Variants in SH2D3C observed in about 807,000 individuals in gnomAD.
SH2D3C encodes SH2 domain-containing protein 3C.
In SH2D3C, 25 loss-of-function variants were observed where a neutral mutation model predicts 75.2. The observed-to-expected ratio is 0.33, with a 90% CI of 0.24 to 0.46. SH2D3C has a LOEUF of 0.46. Among genes scored for constraint, SH2D3C ranks in the 20% least tolerant of loss-of-function variants. The pLI is 1.00. For synonymous variants in SH2D3C, 450 were observed against 473.7 expected (o/e 0.95, Z 0.65); for missense variants, 933 against 1,165.3 (o/e 0.80, Z 2.90).
chr9:127,753,034 C>T (rs140952542), intron 3 of SH2D3C, among the ~76,000 whole-genome samples: 274 of 151,516 alleles, frequency 1.8e-3, no homozygotes, highest in African/African-American at 2.5e-3. Flanking sequence ...CAGGGTCCTA[C>T]GGGCAGAGCC....
Position 127,774,139 on chromosome 9 carries a change from CT to C in SH2D3C, c.365del (p.Glu122GlyfsTer2), listed in dbSNP as rs771028295. ...GAGGGCCAGTGGCCTTCACCATCAC[CT>C]CTTTGGCTGCCTCCAAGCCTGGGGG... ...PDPPGLEAAK[E>X]VMVKATGPLE... is the part of the protein sequence containing the mutation. On this transcript the variant is annotated frameshift_variant, in exon 2 of 12. Coordinates refer to ENST00000314830, the MANE Select transcript of SH2D3C (RefSeq NM_170600.3). LOFTEE classifies it high-confidence loss of function. The surrounding 1 kb of genome is among the most constrained non-coding windows in gnomAD (Gnocchi z 4.3). 5.6e-6 allele frequency: 9 copies of C among 1,614,026 alleles called. No individual in the cohort carries two copies. The African/African-American group carries it at 1.1e-4, about 19-fold the overall frequency.
chr9:127,744,478 T>G, intron 7 of SH2D3C, 86 bp downstream of exon 7: 5 of 1,487,870 alleles, frequency 3.4e-6, no homozygotes, highest in Non-Finnish European at 4.5e-6. Context: ...CCTGCTGTAC[T>G]TGGGGAATCT....
At position 127,744,900 on chromosome 9, in the gene SH2D3C, A is replaced by G; in HGVS notation, c.1464T>C (p.Ser488=). The change falls in exon 7 of 12, where the codon AGT becomes AGC. Residue 488 remains serine, a synonymous_variant. Transcript: ENST00000314830. ...ASPSPSLSSY[S]DPDSGHYCQL... is the part of the protein sequence containing the mutation. ...GGCAGTAGTGGCCAGAGTCCGGGTC[A>G]CTGTAGCTGCTGAGTGATGGTGACG... The G allele has an allele frequency of 6.2e-7, 1 of 1,611,230 alleles. No individual in the cohort carries two copies. Among genetic ancestry groups the G allele is most frequent in the South Asian group, 1.1e-5 (1 of 90,862 alleles).
chr9:127,775,986 G>A (rs187405835), intron 1 of SH2D3C, among the ~76,000 whole-genome samples: 13 of 151,968 alleles, frequency 8.6e-5, no homozygotes, highest in East Asian at 7.9e-4. Context: ...GTGCCACCAC[G>A]CCCAACTGGT....
At chr9:127,746,201 T>C (rs1425048411) in intron 6 of SH2D3C, among the ~76,000 whole-genome samples, 3 of 152,176 alleles carry the variant, frequency 2.0e-5, no homozygotes, top group Non-Finnish European at 4.4e-5. Context: ...AGTTTGTAGT[T>C]ATGACAAAGT....
At chr9:127,764,481 T>C (rs1277347474) in intron 2 of SH2D3C, among the ~76,000 whole-genome samples, 4 of 152,178 alleles carry the variant, frequency 2.6e-5, no homozygotes, top group Non-Finnish European at 5.9e-5. Context: ...AGCTTTCCTC[T>C]GCTCCAACCC....
chr9:127,742,082 A>G, intron 8 of SH2D3C, 123 bp from the exon 9 acceptor site: 4 of 916,224 alleles, frequency 4.4e-6, no homozygotes, highest in Non-Finnish European at 6.4e-6. Context: ...AGAGGTTGTA[A>G]GGGTCAATGG....
rs1467240869 is a variant in SH2D3C at position 127,749,806 on chromosome 9, C to A, written c.685-141G>T. On this transcript the variant is annotated intron_variant, in intron 4 of 11. Transcript: ENST00000314830. This position sits in a 1 kb window ranked among gnomAD's most constrained non-coding sequence, Gnocchi z 5.9. ...TAGAGGACCCAATGAACAGAGACAT[C>A]TGACATCTGAGAGCGGGGATGCAAT... The A allele has an allele frequency of 4.7e-6, 3 of 631,686 alleles. No individual in the cohort carries two copies. Among genetic ancestry groups the A allele is most frequent in the Non-Finnish European group, 8.5e-6 (3 of 354,508 alleles). 39.1% of individuals were successfully genotyped at this position (631,686 alleles called of 1,614,324 possible).
Position 127,747,140 on chromosome 9 carries a change from G to T in SH2D3C, c.1264+7C>A. The T allele has an allele frequency of 6.2e-7, 1 of 1,613,248 alleles. No homozygotes were observed. On this transcript the variant is annotated splice_region_variant and intron_variant, in intron 6 of 11. Coordinates refer to ENST00000314830, the MANE Select transcript of SH2D3C (RefSeq NM_170600.3). ...TCCACCTGCTCCACCCCCTCTGCTG[G>T]CCATACCAGTGCTGTAGGCAGGGGA...
chr9:127,749,368 G>A lies in SH2D3C; in HGVS notation c.982C>T (p.Leu328Phe). Residue 328 changes from leucine to phenylalanine, a missense_variant, in exon 5 of 12, where the codon CTC (leucine) becomes TTC (phenylalanine). Physicochemically the swap from Leu to Phe is conservative, Grantham distance 22. Coordinates refer to ENST00000314830, the MANE Select transcript of SH2D3C (RefSeq NM_170600.3). This position sits in a 1 kb window ranked among gnomAD's most constrained non-coding sequence, Gnocchi z 5.9. ...TGTCCCAGGCCATAGCTGGCCTCGA[G>A]GTAGCGCAGTGGGAAGGTGCGGTTC... ...PVNRTFPLRY[L>F]EASYGLGQGS... 3 of 1,613,970 alleles carry A rather than the reference G, an allele frequency of 1.9e-6. No individual in the cohort carries two copies. Among genetic ancestry groups the A allele is most frequent in the Non-Finnish European group, 2.5e-6 (3 of 1,180,000 alleles).
chr9:127,757,918 C>T (rs189593233), intron 3 of SH2D3C, among the ~76,000 whole-genome samples: 3 of 152,114 alleles, frequency 2.0e-5, no homozygotes, highest in East Asian at 3.9e-4. Context: ...ACCTCGGCCT[C>T]CCAAAGTGCT....
chr9:127,755,176 CG>C (rs1202683783), intron 3 of SH2D3C: 1 of 1,212,974 alleles, frequency 8.2e-7, no homozygotes. Flanking sequence ...GCCAGGCTGC[CG>C]GGGCCGGGAC....
chr9:127,770,043 T>C (rs965169246), intron 2 of SH2D3C, among the ~76,000 whole-genome samples: 1 of 152,110 alleles, frequency 6.6e-6, no homozygotes, highest in Non-Finnish European at 1.5e-5. Flanking sequence ...AGGCCTCTGC[T>C]TCCTCCTCTG....
intron 2 of SH2D3C, among the ~76,000 whole-genome samples, chr9:127,764,996 C>T (rs1845606994): frequency 6.6e-6 from 1 of 152,134 alleles, no homozygotes; most frequent in African/African-American, 2.4e-5. Context: ...CAGGCGTGAG[C>T]CACCATGCCT....
rs760438916 is a variant in SH2D3C, at chr9:127,774,215, G to C, written c.290C>G (p.Ala97Gly). 6.2e-7 allele frequency: 1 copy of C among 1,613,976 alleles called. No individual in the cohort carries two copies. Among genetic ancestry groups the C allele is most frequent in the East Asian group, 2.2e-5 (1 of 44,872 alleles). Reference protein sequence around the residue: ...KAQNSQAARQAQEAGPKPNLV... With the variant: ...KAQNSQAARQGQEAGPKPNLV... Reference sequence around the variant, plus strand: ...GTTGGGCTTGGGACCCGCCTCCTGGGCCTGCCGGGCAGCCTGTGAGTTCTG... The same window carrying C: ...GTTGGGCTTGGGACCCGCCTCCTGGCCCTGCCGGGCAGCCTGTGAGTTCTG... The change falls in exon 2 of 12, where the codon GCC becomes GGC. Residue 97 changes from alanine to glycine, a missense_variant. Ala to Gly is a moderately conservative substitution (Grantham distance 60). Coordinates refer to ENST00000314830, the MANE Select transcript of SH2D3C (RefSeq NM_170600.3). This position sits in a 1 kb window ranked among gnomAD's most constrained non-coding sequence, Gnocchi z 4.3.
intron 3 of SH2D3C, among the ~76,000 whole-genome samples, chr9:127,757,641 T>TTA (rs1845425648): frequency 7.2e-6 from 1 of 138,474 alleles, no homozygotes; most frequent in African/African-American, 2.7e-5. Flanking sequence ...ATGATGATGA[T>TTA]GATGATTATT....
intron 2 of SH2D3C, among the ~76,000 whole-genome samples, chr9:127,769,504 A>C (rs1321834664): frequency 1.3e-5 from 2 of 151,700 alleles, no homozygotes; most frequent in Non-Finnish European, 2.9e-5. Flanking sequence ...CACACACACA[A>C]AATTAGCCAG....
intron 3 of SH2D3C, among the ~76,000 whole-genome samples, chr9:127,756,060 G>A (rs1459786141): frequency 6.6e-6 from 1 of 152,190 alleles, no homozygotes; most frequent in Non-Finnish European, 1.5e-5. Context: ...CACGCCCTGG[G>A]AGACCGGGGC....
At chr9:127,766,756 G>C in intron 2 of SH2D3C, 1 of 620,906 alleles carries the variant, frequency 1.6e-6, no homozygotes, top group Non-Finnish European at 2.8e-6. Context: ...TTTTAGTAGA[G>C]ATGGGGTTTC....
Sources: allele counts gnomAD v4.1 joint callset (sites outside exome capture counted in the v4.1 genomes callset), GRCh38; gene constraint gnomAD v4.1.1; non-coding constraint Gnocchi (gnomAD v3.1); transcripts MANE v1.5; gene names NCBI Gene and HGNC (gene_info 2026-07-23, HGNC 2026-07-21).